The following FUT9 variants were observed in gnomAD, a reference collection of about 807,000 sequenced individuals.
FUT9 encodes fucosyltransferase 9.
FUT9 carries 15 observed loss-of-function variants against 29.7 expected under a neutral mutation model. That is an observed-to-expected ratio of 0.51 (90% CI 0.34 to 0.78). The LOEUF (loss-of-function observed/expected upper bound fraction) is 0.78, where lower values mean the gene tolerates loss of function less well. FUT9 is among the 30% of genes least tolerant of loss of function. The pLI, the probability that FUT9 is intolerant of heterozygous loss-of-function variation, is 0.01. For missense variants in FUT9, 319 were observed against 425.4 expected, an observed-to-expected ratio of 0.75 and a Z score of 2.20; for synonymous variants, 169 against 153.7, an observed-to-expected ratio of 1.10 and a Z score of -0.74.
At chr6:96,161,536 G>T (rs1000501355) in intron 2 of FUT9, among the ~76,000 whole-genome samples, 1 of 152,192 alleles carries the variant, frequency 6.6e-6, no homozygotes, top group Non-Finnish European at 1.5e-5. Context: ...CAGATAGATA[G>T]ATAGATAACC....
At chr6:96,163,921 A>T (rs1295783138) in intron 2 of FUT9, among the ~76,000 whole-genome samples, 1 of 152,188 alleles carries the variant, frequency 6.6e-6, no homozygotes, top group Non-Finnish European at 1.5e-5. Context: ...ATCTCGATCA[A>T]TTTAGGAGTT....
intron 2 of FUT9, among the ~76,000 whole-genome samples, chr6:96,171,211 G>A (rs1003334407): frequency 2.0e-5 from 3 of 152,206 alleles, no homozygotes; most frequent in African/African-American, 7.2e-5. Flanking sequence ...TGTTTTCCTG[G>A]AGGATGAAAG....
chr6:96,078,148 T>A (rs1346182783), intron 1 of FUT9, among the ~76,000 whole-genome samples: 3 of 152,138 alleles, frequency 2.0e-5, no homozygotes, highest in African/African-American at 4.8e-5. Context: ...AATTTTTTCA[T>A]TACAACTTTC....
chr6:96,132,474 T>C (rs1772265239), intron 2 of FUT9, among the ~76,000 whole-genome samples: 1 of 152,000 alleles, frequency 6.6e-6, no homozygotes, highest in Non-Finnish European at 1.5e-5. Context: ...AGGGTTTGGA[T>C]AATAGAGGAA....
chr6:96,144,796 G>A lies in FUT9; in HGVS notation c.-9+30669G>A, dbSNP rs1408259086. Among the ~76,000 whole-genome samples the A allele has an allele frequency of 2.6e-5, 4 of 151,952 alleles. No homozygotes were observed. The South Asian group carries it at 8.3e-4, about 32-fold the overall frequency. On this transcript the variant is annotated intron_variant, in intron 2 of 2. Transcript: ENST00000302103. ...TCTTAGTTCCATTTTAAACTGAAAG[G>A]AATCTAAAGAAAAAACAACACTGTA...
chr6:96,132,642 T>C (rs1297843340), intron 2 of FUT9, among the ~76,000 whole-genome samples: 3 of 152,094 alleles, frequency 2.0e-5, no homozygotes, highest in Non-Finnish European at 4.4e-5. Context: ...CATTTATAGG[T>C]ACTCAACTTT....
At chr6:96,104,743 G>A (rs1771647131) in intron 1 of FUT9, among the ~76,000 whole-genome samples, 3 of 151,884 alleles carry the variant, frequency 2.0e-5, no homozygotes, top group Non-Finnish European at 4.4e-5. Flanking sequence ...TCTTGCCCAG[G>A]CTGATCTTGA....
intron 1 of FUT9, among the ~76,000 whole-genome samples, chr6:96,032,029 T>C (rs1026344928): frequency 6.6e-6 from 1 of 151,660 alleles, no homozygotes; most frequent in Non-Finnish European, 1.5e-5. Context: ...CAAGACTGCA[T>C]TATTCTCACC....
rs560202629 is a variant in FUT9 at position 96,029,023 on chromosome 6, C to CT, written c.-98+12815dup. Among the ~76,000 whole-genome samples the CT allele has an allele frequency of 3.3e-3, 505 of 151,486 alleles. 2 individuals carry two copies. The highest frequency in any genetic ancestry group is 0.012 in the African/African-American group (489 of 41,422). On this transcript the variant is annotated intron_variant, in intron 1 of 2. Transcript: ENST00000302103. The stretch of plus-strand genomic sequence containing the variant: ...AGCCAGAGGAACTACAAAACCATAA[C>CT]TTTTGTTAAACCTGTTGTAAAACCG...
At chr6:96,191,565 G>T (rs1323109867) in intron 2 of FUT9, among the ~76,000 whole-genome samples, 1 of 152,072 alleles carries the variant, frequency 6.6e-6, no homozygotes, top group Non-Finnish European at 1.5e-5. Context: ...CCAATAGCAG[G>T]CTCTGAAATT....
At chr6:96,107,137 G>T (rs141568168) in intron 1 of FUT9, among the ~76,000 whole-genome samples, 1 of 152,208 alleles carries the variant, frequency 6.6e-6, no homozygotes, top group Non-Finnish European at 1.5e-5. Context: ...AAACATTCAT[G>T]ATTTATTTTC....
At chr6:96,059,563 G>T (rs1213613554) in intron 1 of FUT9, among the ~76,000 whole-genome samples, 1 of 152,158 alleles carries the variant, frequency 6.6e-6, no homozygotes, top group Non-Finnish European at 1.5e-5. Flanking sequence ...CCTGGATCAG[G>T]AAAAATAACA....
chr6:96,038,292 C>T lies in FUT9; in HGVS notation c.-98+22080C>T, dbSNP rs375710688. ...GATCTTCTGTCGTATCTGGGTCAGA[C>T]GAATTCACTGCAATCTTGGAATCTG... On this transcript the variant is annotated intron_variant, in intron 1 of 2. Transcript: ENST00000302103. 1.4e-4 allele frequency among the ~76,000 whole-genome samples: 21 copies of T among 152,174 alleles called. No homozygotes were observed. In the East Asian group the frequency reaches 1.5e-3, roughly 11 times the overall value.
intron 2 of FUT9, among the ~76,000 whole-genome samples, chr6:96,137,935 T>G (rs1038857873): frequency 6.6e-6 from 1 of 152,136 alleles, no homozygotes; most frequent in Non-Finnish European, 1.5e-5. Flanking sequence ...TATTAAGGTA[T>G]GCCTGAAGGT....
chr6:96,017,036 A>G (rs1359628619), intron 1 of FUT9, among the ~76,000 whole-genome samples: 2 of 152,210 alleles, frequency 1.3e-5, no homozygotes, highest in Non-Finnish European at 2.9e-5. Context: ...TTCCTGCGGA[A>G]TTGGTCTTAC....
chr6:96,160,696 C>T (rs1029097863), intron 2 of FUT9, among the ~76,000 whole-genome samples: 14 of 152,034 alleles, frequency 9.2e-5, no homozygotes, highest in Non-Finnish European at 1.8e-4. Flanking sequence ...TCATAGATAA[C>T]TAGCTCTTAT....
intron 2 of FUT9, among the ~76,000 whole-genome samples, chr6:96,198,749 T>C (rs1278769060): frequency 6.6e-6 from 1 of 152,144 alleles, no homozygotes; most frequent in African/African-American, 2.4e-5. Context: ...GTAAAAGTGT[T>C]CCTATTTCTC....
At chr6:96,089,163 G>A (rs1771370616) in intron 1 of FUT9, among the ~76,000 whole-genome samples, 1 of 152,072 alleles carries the variant, frequency 6.6e-6, no homozygotes, top group Non-Finnish European at 1.5e-5. Flanking sequence ...CTTCATTTTG[G>A]TAGTTTTGTT....
At chr6:96,133,944 G>A (rs1357036482) in intron 2 of FUT9, among the ~76,000 whole-genome samples, 1 of 151,602 alleles carries the variant, frequency 6.6e-6, no homozygotes, top group Non-Finnish European at 1.5e-5. Context: ...TAATAGTTAA[G>A]GTAAGTAGGC....
Sources: gnomAD v4.1 joint callset for allele counts (sites outside exome capture counted in the v4.1 genomes callset) on GRCh38, gnomAD v4.1.1 for gene constraint, MANE v1.5 for transcripts, NCBI Gene and HGNC (gene_info 2026-07-23, HGNC 2026-07-21) for gene names.